The following ZFPM2 variants were observed in gnomAD, a reference collection of about 807,000 sequenced individuals.
The protein encoded by ZFPM2 is zinc finger protein, FOG family member 2.
A neutral mutation model predicts 98.6 loss-of-function variants in ZFPM2; 20 were observed. The ratio of observed to expected loss-of-function variants is 0.20; its 90% CI spans 0.14 to 0.29. The LOEUF (loss-of-function observed/expected upper bound fraction) is 0.29, where lower values mean the gene tolerates loss of function less well. ZFPM2 is among the 10% of genes least tolerant of loss of function. The pLI, the probability that ZFPM2 is intolerant of heterozygous loss-of-function variation, is 1.00. For synonymous variants in ZFPM2, 518 were observed against 502.7 expected, an observed-to-expected ratio of 1.03 and a Z score of -0.41; for missense variants, 1,310 against 1,388.6, an observed-to-expected ratio of 0.94 and a Z score of 0.90.
At chr8:105,458,491 G>T (rs1812641794) in intron 3 of ZFPM2, among the ~76,000 whole-genome samples, 1 of 151,750 alleles carries the variant, frequency 6.6e-6, no homozygotes, top group Non-Finnish European at 1.5e-5. Context: ...TTACATTTTT[G>T]AACATTGTAT....
intron 5 of ZFPM2, among the ~76,000 whole-genome samples, chr8:105,742,208 C>T (rs4302813): frequency 0.28 from 42,498 of 151,014 alleles, 6,262 homozygotes; most frequent in East Asian, 0.36. Flanking sequence ...GTGAGACTCT[C>T]CACAAAACAA....
chr8:105,471,593 A>G (rs1436203008), intron 3 of ZFPM2, among the ~76,000 whole-genome samples: 1 of 152,184 alleles, frequency 6.6e-6, no homozygotes, highest in Non-Finnish European at 1.5e-5. Flanking sequence ...AAGCACTAAT[A>G]TGTTTCTCTC....
intron 4 of ZFPM2, among the ~76,000 whole-genome samples, chr8:105,563,819 A>T (rs549121654): frequency 6.6e-6 from 1 of 152,154 alleles, no homozygotes; most frequent in Non-Finnish European, 1.5e-5. Flanking sequence ...TCAGATACCA[A>T]TGCAACCTTT....
At chr8:105,560,584 T>G (rs1164414956) in intron 3 of ZFPM2, among the ~76,000 whole-genome samples, 3 of 152,014 alleles carry the variant, frequency 2.0e-5, no homozygotes, top group African/African-American at 7.2e-5. Flanking sequence ...GTTTTTTTTT[T>G]TTTTGAAATT....
At chr8:105,357,418 T>A (rs116786702) in intron 1 of ZFPM2, among the ~76,000 whole-genome samples, 92 of 152,336 alleles carry the variant, frequency 6.0e-4, no homozygotes, top group African/African-American at 2.0e-3. Context: ...AGAGTTCTTA[T>A]GCCTTTTTGC....
chr8:105,581,878 C>T (rs1815608433), intron 4 of ZFPM2, among the ~76,000 whole-genome samples: 1 of 152,210 alleles, frequency 6.6e-6, no homozygotes, highest in African/African-American at 2.4e-5. Context: ...ATACTATCCC[C>T]ATTCTGTGAT....
intron 3 of ZFPM2, among the ~76,000 whole-genome samples, chr8:105,517,074 A>T (rs7837523): frequency 0.8 from 121,562 of 152,156 alleles, 49,199 homozygotes; most frequent in African/African-American, 0.93. Flanking sequence ...TGAAAACAAG[A>T]TTTGTGGAAC....
At chr8:105,459,548 T>A (rs1203489690) in intron 3 of ZFPM2, among the ~76,000 whole-genome samples, 1 of 152,134 alleles carries the variant, frequency 6.6e-6, no homozygotes, top group Middle Eastern at 3.2e-3. Context: ...AACAATAATT[T>A]TTTTCCTCAT....
At chr8:105,638,273 C>T (rs1242453401) in intron 5 of ZFPM2, among the ~76,000 whole-genome samples, 1 of 151,998 alleles carries the variant, frequency 6.6e-6, no homozygotes, top group African/African-American at 2.4e-5. Context: ...CCATAGTCAG[C>T]CTGGGGCCTA....
rs530798912 is a variant in ZFPM2, at chr8:105,436,573, G to A, written c.200-7707G>A. ...AGAAATGGGACTTAAACATGATAAG[G>A]ATAAAGCAGCTGTCAGATCACATCC... On this transcript the variant is annotated intron_variant, in intron 2 of 7. Coordinates refer to ENST00000407775, the MANE Select transcript of ZFPM2 (RefSeq NM_012082.4). Among the ~76,000 whole-genome samples the A allele has an allele frequency of 2.6e-5, 4 of 152,076 alleles. No individual in the cohort carries two copies. The South Asian group carries it at 8.3e-4, about 32-fold the overall frequency.
intron 5 of ZFPM2, chr8:105,787,279 T>C (rs887808162): frequency 2.6e-5 from 4 of 152,220 alleles, no homozygotes; most frequent in African/African-American, 9.6e-5. Flanking sequence ...TCAACTGTGG[T>C]AAACTTGTAT....
chr8:105,790,209 A>C lies in ZFPM2; in HGVS notation c.739+1285A>C, dbSNP rs1586269449. Among the ~76,000 whole-genome samples the C allele has an allele frequency of 9.9e-5, 15 of 151,076 alleles. No homozygotes were observed. The South Asian group carries it at 2.7e-3, about 28-fold the overall frequency. On this transcript the variant is annotated intron_variant, in intron 6 of 7. Transcript: ENST00000407775. Reference sequence around the variant, plus strand: ...GCCTAGGTTTTCTTCTAGGGTTTTTATGGTTTTAGGTCTAACATTTAAGTC... The same window carrying C: ...GCCTAGGTTTTCTTCTAGGGTTTTTCTGGTTTTAGGTCTAACATTTAAGTC...
chr8:105,334,063 T>C (rs953870920), intron 1 of ZFPM2, among the ~76,000 whole-genome samples: 18 of 150,654 alleles, frequency 1.2e-4, no homozygotes, highest in Non-Finnish European at 2.5e-4. Context: ...ATGTATACAT[T>C]GTGGAATGTG....
intron 5 of ZFPM2, among the ~76,000 whole-genome samples, chr8:105,693,505 G>A (rs933431009): frequency 6.6e-6 from 1 of 152,110 alleles, no homozygotes; most frequent in Non-Finnish European, 1.5e-5. Context: ...CCAACATTTA[G>A]GAAAATATAC....
intron 5 of ZFPM2, among the ~76,000 whole-genome samples, chr8:105,661,774 C>T (rs183289145): frequency 6.6e-6 from 1 of 152,088 alleles, no homozygotes; most frequent in Non-Finnish European, 1.5e-5. Flanking sequence ...CAAGGAACAG[C>T]TTTGAGGCAA....
intron 5 of ZFPM2, among the ~76,000 whole-genome samples, chr8:105,736,390 A>T (rs946124400): frequency 6.6e-6 from 1 of 152,002 alleles, no homozygotes; most frequent in Non-Finnish European, 1.5e-5. Flanking sequence ...TTAATTTGCT[A>T]TATCAACTCC....
intron 3 of ZFPM2, among the ~76,000 whole-genome samples, chr8:105,555,296 A>G (rs969164958): frequency 1.4e-4 from 21 of 152,136 alleles, no homozygotes; most frequent in African/African-American, 5.1e-4. Flanking sequence ...TAACTGCAAA[A>G]ATATGAACTG....
intron 5 of ZFPM2, among the ~76,000 whole-genome samples, chr8:105,787,927 T>C (rs1813469259): frequency 6.6e-6 from 1 of 152,210 alleles, no homozygotes; most frequent in Non-Finnish European, 1.5e-5. Context: ...TAATTTTTCT[T>C]TTTAATGCAC....
chr8:105,567,883 T>C lies in ZFPM2; in HGVS notation c.420+6402T>C, dbSNP rs2130713407. 2.6e-5 allele frequency among the ~76,000 whole-genome samples: 4 copies of C among 152,228 alleles called. No individual in the cohort carries two copies. In the South Asian group the frequency reaches 8.3e-4, roughly 32 times the overall value. ...CATCTCAATGGCATAATTTATAATT[T>C]TGCTGAGGCATGACTTTTTGTTGAG... On this transcript the variant is annotated intron_variant, in intron 4 of 7. Transcript: ENST00000407775.
Sources: allele counts gnomAD v4.1 joint callset (sites outside exome capture counted in the v4.1 genomes callset), GRCh38; gene constraint gnomAD v4.1.1; transcripts MANE v1.5; gene names NCBI Gene and HGNC (gene_info 2026-07-23, HGNC 2026-07-21).